The following TUT4 variants were observed in gnomAD, a reference collection of about 807,000 sequenced individuals.
TUT4 encodes the protein terminal uridylyl transferase 4, also known as terminal uridylyltransferase 4.
A neutral mutation model predicts 192.2 loss-of-function variants in TUT4; 36 were observed. The ratio of observed to expected loss-of-function variants is 0.19; its 90% CI spans 0.14 to 0.25. TUT4 has a LOEUF of 0.25. Among genes scored for constraint, TUT4 ranks in the 10% least tolerant of loss-of-function variants. TUT4 has a pLI of 1.00. For missense variants in TUT4, 1,493 were observed against 1,957.2 expected (o/e 0.76, Z 4.47); for synonymous variants, 618 against 666.0 (o/e 0.93, Z 1.11).
At chr1:52,438,637 T>A (rs900477774) in intron 24 of TUT4, among the ~76,000 whole-genome samples, 1 of 152,188 alleles carries the variant, frequency 6.6e-6, no homozygotes, top group African/African-American at 2.4e-5. Flanking sequence ...GGAAACTGAT[T>A]CAGGAGTTCA....
At chr1:52,522,410 T>C (rs1680525977) in intron 2 of TUT4, among the ~76,000 whole-genome samples, 1 of 152,222 alleles carries the variant, frequency 6.6e-6, no homozygotes, top group Non-Finnish European at 1.5e-5. Flanking sequence ...CGGTACTACA[T>C]GAAACCCTCT....
At chr1:52,528,641 G>A (rs1006648186) in intron 1 of TUT4, among the ~76,000 whole-genome samples, 1 of 151,940 alleles carries the variant, frequency 6.6e-6, no homozygotes, top group Admixed American at 6.6e-5. Context: ...AAAGCAAACT[G>A]CATAGAATTA....
At chr1:52,503,864 G>A (rs1674806845) in intron 4 of TUT4, among the ~76,000 whole-genome samples, 1 of 151,488 alleles carries the variant, frequency 6.6e-6, no homozygotes, top group African/African-American at 2.4e-5. Context: ...TCCTCTACTA[G>A]TCCCTTAAAT....
At chr1:52,513,210 C>T (rs116415015) in intron 3 of TUT4, among the ~76,000 whole-genome samples, 35 of 150,438 alleles carry the variant, frequency 2.3e-4, no homozygotes, top group African/African-American at 7.6e-4. Flanking sequence ...GAGACCAGTC[C>T]GGGCAACCTG....
At chr1:52,521,929 C>T (rs545090776) in intron 2 of TUT4, among the ~76,000 whole-genome samples, 2 of 152,086 alleles carry the variant, frequency 1.3e-5, no homozygotes, top group Admixed American at 6.5e-5. Context: ...CATACCACTG[C>T]ACTCCAGCCA....
chr1:52,451,213 C>A (rs1320765365), intron 20 of TUT4, among the ~76,000 whole-genome samples: 1 of 150,764 alleles, frequency 6.6e-6, no homozygotes, highest in East Asian at 1.9e-4. Flanking sequence ...TTGCAGTGAG[C>A]CGAGATTGCG....
chr1:52,455,069 G>A (rs1660477624), intron 20 of TUT4, among the ~76,000 whole-genome samples: 1 of 152,094 alleles, frequency 6.6e-6, no homozygotes, highest in Non-Finnish European at 1.5e-5. Flanking sequence ...CAAATTACTT[G>A]AGCCCAGAGC....
chr1:52,518,488 C>A (rs1679298131), intron 2 of TUT4, among the ~76,000 whole-genome samples: 1 of 152,076 alleles, frequency 6.6e-6, no homozygotes, highest in South Asian at 2.1e-4. Flanking sequence ...TTTTATAAGG[C>A]CAGATTAGGA....
chr1:52,516,706 TTC>T (rs1048547834), intron 2 of TUT4, among the ~76,000 whole-genome samples: 5 of 152,212 alleles, frequency 3.3e-5, no homozygotes, highest in African/African-American at 1.2e-4. Flanking sequence ...AATCACCTTA[TTC>T]TCTTGCTTAA....
chr1:52,537,850 G>A (rs959626375), intron 1 of TUT4, among the ~76,000 whole-genome samples: 1 of 152,094 alleles, frequency 6.6e-6, no homozygotes, highest in African/African-American at 2.4e-5. Context: ...AAGGCAGTTT[G>A]CTGTGAGCTG....
chr1:52,546,453 T>A (rs998949036), intron 1 of TUT4, among the ~76,000 whole-genome samples: 2 of 152,198 alleles, frequency 1.3e-5, no homozygotes, highest in African/African-American at 4.8e-5. Flanking sequence ...ACAAATATTG[T>A]ATGATTCAAT....
chr1:52,503,535 C>A (rs915403049), intron 4 of TUT4, among the ~76,000 whole-genome samples: 6 of 152,232 alleles, frequency 3.9e-5, no homozygotes, highest in African/African-American at 1.4e-4. Context: ...AGAAACTGTT[C>A]TTCCCAGGAT....
chr1:52,474,090 C>T (rs1205316820), intron 13 of TUT4, among the ~76,000 whole-genome samples: 1 of 152,130 alleles, frequency 6.6e-6, no homozygotes, highest in Non-Finnish European at 1.5e-5. Context: ...CGCCTGTTGT[C>T]CCAGCTACTC....
At chr1:52,457,997 T>C (rs1661459454) in intron 20 of TUT4, among the ~76,000 whole-genome samples, 1 of 152,204 alleles carries the variant, frequency 6.6e-6, no homozygotes, top group South Asian at 2.1e-4. Flanking sequence ...AAGAAGAAAC[T>C]TATGTACTTG....
chr1:52,546,845 G>T (rs1688205485), intron 1 of TUT4, among the ~76,000 whole-genome samples: 2 of 151,994 alleles, frequency 1.3e-5, no homozygotes. Flanking sequence ...TCTAAAAAGG[G>T]TCTAGCCTGG....
In TUT4 at chr1:52,475,173, C is replaced by A. The variant is rs12127732; in HGVS notation, c.2386G>T (p.Asp796Tyr). Residue 796 changes from aspartate to tyrosine, a missense_variant, in exon 13 of 30, where the codon GAC becomes TAC. Physicochemically the swap from Asp to Tyr is radical, Grantham distance 160. Transcript: ENST00000257177. ...TTGCTGGTAGAAAGAGATGAAGAGT[C>A]CTGTCCGTGGTCAGCAAAATCTAGT... ...NELDFADHGQ[D>Y]SSSLSTSKSS... 0.012 allele frequency: 20,042 copies of A among 1,614,050 alleles called. 174 individuals carry two copies. The highest frequency in any genetic ancestry group is 0.015 in the Non-Finnish European group (17,841 of 1,180,000).
At chr1:52,550,344 G>A (rs1358100892) in intron 1 of TUT4, among the ~76,000 whole-genome samples, 2 of 151,792 alleles carry the variant, frequency 1.3e-5, no homozygotes, top group Admixed American at 6.6e-5. Flanking sequence ...TTTTTAGAAC[G>A]TATTTCTATC....
intron 20 of TUT4, among the ~76,000 whole-genome samples, chr1:52,457,155 T>C (rs1272713310): frequency 6.6e-6 from 1 of 152,172 alleles, no homozygotes; most frequent in African/African-American, 2.4e-5. Context: ...ACCATATATA[T>C]TCATTAGAAC....
chr1:52,488,763 C>G, intron 9 of TUT4, 146 bp downstream of exon 9: 1 of 821,712 alleles, frequency 1.2e-6, no homozygotes, highest in Admixed American at 3.8e-5. Flanking sequence ...CCTGCCACAC[C>G]AACTTTCTGT....
Sources: gnomAD v4.1 joint callset for allele counts (sites outside exome capture counted in the v4.1 genomes callset) on GRCh38, gnomAD v4.1.1 for gene constraint, MANE v1.5 for transcripts, NCBI Gene and HGNC (gene_info 2026-07-23, HGNC 2026-07-21) for gene names.